The following MYO3A variants were observed in gnomAD, a reference collection of about 807,000 sequenced individuals.
MYO3A encodes the protein myosin-IIIa.
Under a neutral mutation model 192.7 loss-of-function variants are expected in MYO3A, and 180 were observed. The observed-to-expected ratio is 0.93, with a 90% CI of 0.83 to 1.06. The LOEUF (loss-of-function observed/expected upper bound fraction) is 1.06, where lower values mean the gene tolerates loss of function less well. MYO3A is among the 50% of genes least tolerant of loss of function. The probability of loss-of-function intolerance (pLI) is 0.00; values close to 1 mark genes in which losing one functional copy is unlikely to be tolerated. For synonymous variants in MYO3A, 628 were observed against 645.3 expected (o/e 0.97, Z 0.41); for missense variants, 1,896 against 1,905.0 (o/e 1.00, Z 0.09).
At chr10:26,022,794 T>C (rs1842372375) in intron 8 of MYO3A, 2 of 152,228 alleles carry the variant, frequency 1.3e-5, no homozygotes, top group Admixed American at 1.3e-4. Context: ...CTCTTGATGA[T>C]AATGCCACAT....
At chr10:26,074,953 G>A (rs979875421) in intron 14 of MYO3A, among the ~76,000 whole-genome samples, 1 of 151,764 alleles carries the variant, frequency 6.6e-6, no homozygotes, top group Non-Finnish European at 1.5e-5. Flanking sequence ...TCATTATTTT[G>A]TGTGTGTAAA....
chr10:26,029,123 A>G (rs937790477), intron 10 of MYO3A, among the ~76,000 whole-genome samples: 4 of 152,192 alleles, frequency 2.6e-5, no homozygotes, highest in African/African-American at 7.2e-5. Context: ...CAATGTTCAA[A>G]CATCGTGAGA....
rs552023938 is a variant in MYO3A, at chr10:25,993,294, C to T, written c.304-3196C>T. On this transcript the variant is annotated intron_variant, in intron 4 of 34. Coordinates refer to ENST00000642920, the MANE Select transcript of MYO3A (RefSeq NM_017433.5). ...TAATCTAGATTTTCTAATTTATTTGCGTAGAGGTGTTTATAGTATTCTCTG... is the reference window on the plus strand; with the variant it reads ...TAATCTAGATTTTCTAATTTATTTGTGTAGAGGTGTTTATAGTATTCTCTG... Among the ~76,000 whole-genome samples the T allele has an allele frequency of 1.4e-3, 210 of 152,232 alleles. 2 individuals are homozygous for T. The highest frequency in any genetic ancestry group is 2.4e-3 in the Non-Finnish European group (164 of 68,016).
chr10:26,147,236 G>A (rs554557214), intron 22 of MYO3A, among the ~76,000 whole-genome samples, 194 bp from the exon 23 acceptor site: 11 of 65,094 alleles, frequency 1.7e-4, no homozygotes, highest in Admixed American at 4.3e-4. Flanking sequence ...AGACACAGAT[G>A]ATAAGGAGCT....
chr10:26,140,656 G>A lies in MYO3A; in HGVS notation c.2263-2792G>A, dbSNP rs148076818. On this transcript the variant is annotated intron_variant, in intron 20 of 34. Transcript: ENST00000642920. ...GCCGAGATGACACCACTGTACTCCA[G>A]CCTGGGTGACAGAGCGAGACTCTGT... Among the ~76,000 whole-genome samples, 626 of 150,076 alleles carry A rather than the reference G, an allele frequency of 4.2e-3. 4 individuals carry two copies. Among genetic ancestry groups the A allele is most frequent in the African/African-American group, 0.015 (605 of 40,756 alleles).
intron 2 of MYO3A, among the ~76,000 whole-genome samples, chr10:25,951,613 A>C (rs940617131): frequency 6.6e-6 from 1 of 152,178 alleles, no homozygotes; most frequent in Non-Finnish European, 1.5e-5. Flanking sequence ...AGGTTATGTT[A>C]AGGAAATTCC....
chr10:26,008,883 T>C (rs1331575547), intron 6 of MYO3A, among the ~76,000 whole-genome samples: 2 of 151,840 alleles, frequency 1.3e-5, no homozygotes, highest in African/African-American at 2.4e-5. Flanking sequence ...ACTGGGTATA[T>C]ACCCAAAGGA....
chr10:26,127,130 C>T (rs901431362), intron 19 of MYO3A, among the ~76,000 whole-genome samples: 3 of 152,018 alleles, frequency 2.0e-5, no homozygotes, highest in South Asian at 2.1e-4. Flanking sequence ...CTTTTAAGAA[C>T]GTCTTGAAAA....
chr10:25,954,755 A>G, intron 3 of MYO3A, 119 bp from the exon 4 acceptor site: 1 of 1,045,318 alleles, frequency 9.6e-7, no homozygotes, highest in Admixed American at 1.8e-5. Context: ...TACTAAGCAC[A>G]GTAAAAACTA....
chr10:26,119,122 C>T (rs1838695617), intron 17 of MYO3A, among the ~76,000 whole-genome samples: 1 of 152,284 alleles, frequency 6.6e-6, no homozygotes, highest in Admixed American at 6.5e-5. Context: ...GCCTTCCTGT[C>T]ATTCAGGCCT....
At chr10:26,117,651 G>A (rs1265450400) in intron 17 of MYO3A, among the ~76,000 whole-genome samples, 1 of 152,094 alleles carries the variant, frequency 6.6e-6, no homozygotes, top group African/African-American at 2.4e-5. Context: ...GTCCATCCAT[G>A]TCCCTGCAAA....
At chr10:26,071,220 A>G (rs1428167448) in intron 14 of MYO3A, among the ~76,000 whole-genome samples, 3 of 152,188 alleles carry the variant, frequency 2.0e-5, no homozygotes, top group Admixed American at 1.3e-4. Flanking sequence ...TGACTGAACA[A>G]AATAGTGAGG....
At chr10:25,998,854 A>G (rs1840611674) in intron 6 of MYO3A, among the ~76,000 whole-genome samples, 2 of 152,208 alleles carry the variant, frequency 1.3e-5, no homozygotes, top group African/African-American at 4.8e-5. Flanking sequence ...TTGAAAACAT[A>G]TACTTAGATA....
rs117690132 is a variant in MYO3A, at chr10:26,058,477, T to A, written c.954-8498T>A. 8.4e-3 allele frequency among the ~76,000 whole-genome samples: 1,285 copies of A among 152,352 alleles called. 9 individuals carry two copies. The highest frequency in any genetic ancestry group is 0.014 in the Non-Finnish European group (944 of 68,038). ...TACAGGTTTTTGTGTGGTTTTCTAC[T>A]CATTTGGGTAGAAAGAAGCACAGTA... On this transcript the variant is annotated intron_variant, in intron 10 of 34. Coordinates refer to ENST00000642920, the MANE Select transcript of MYO3A (RefSeq NM_017433.5).
intron 4 of MYO3A, among the ~76,000 whole-genome samples, chr10:25,968,776 T>C (rs1275657758): frequency 3.3e-5 from 5 of 152,232 alleles, no homozygotes; most frequent in Non-Finnish European, 5.9e-5. Context: ...ATTAGCATGA[T>C]GAAATATCAT....
At chr10:26,002,605 G>C (rs1840901534) in intron 6 of MYO3A, among the ~76,000 whole-genome samples, 1 of 151,704 alleles carries the variant, frequency 6.6e-6, no homozygotes, top group East Asian at 1.9e-4. Flanking sequence ...CAGGTAATCG[G>C]AATGAGTCAG....
At chr10:26,208,285 TA>T (rs1394711194) in intron 34 of MYO3A, among the ~76,000 whole-genome samples, 1 of 151,750 alleles carries the variant, frequency 6.6e-6, no homozygotes, top group African/African-American at 2.4e-5. Context: ...CAATGGAGGA[TA>T]AAAAGGGGAA....
At chr10:25,996,055 C>A (rs1840415455) in intron 4 of MYO3A, among the ~76,000 whole-genome samples, 1 of 152,206 alleles carries the variant, frequency 6.6e-6, no homozygotes, top group Non-Finnish European at 1.5e-5. Context: ...TTTAAGTCTG[C>A]AGAAGATTCT....
At chr10:26,171,401 A>G (rs1433191122) in intron 29 of MYO3A, among the ~76,000 whole-genome samples, 1 of 152,052 alleles carries the variant, frequency 6.6e-6, no homozygotes, top group Non-Finnish European at 1.5e-5. Flanking sequence ...CCCACATCTA[A>G]CGTTCTCTTC....
Sources: gnomAD v4.1 joint callset for allele counts (sites outside exome capture counted in the v4.1 genomes callset) on GRCh38, gnomAD v4.1.1 for gene constraint, MANE v1.5 for transcripts, NCBI Gene and HGNC (gene_info 2026-07-23, HGNC 2026-07-21) for gene names.